The following PTPRG variants were observed in gnomAD, a reference collection of about 807,000 sequenced individuals.
PTPRG encodes protein tyrosine phosphatase receptor type G.
PTPRG carries 102 observed loss-of-function variants against 165.3 expected under a neutral mutation model. The ratio of observed to expected loss-of-function variants is 0.62; its 90% CI spans 0.53 to 0.73. The LOEUF (loss-of-function observed/expected upper bound fraction) is 0.73. Ranked by LOEUF, PTPRG falls within the 30% of genes least tolerant of loss-of-function variation. The pLI is 0.00. For synonymous variants in PTPRG, 675 were observed against 669.5 expected (o/e 1.01, Z -0.13); for missense variants, 1,866 against 1,861.4 (o/e 1.00, Z -0.05).
chr3:61,995,745 T>TCCCTCCCTCCCTCCCTCCCTCCC (rs1575864529), intron 3 of PTPRG, among the ~76,000 whole-genome samples: 1 of 109,730 alleles, frequency 9.1e-6, no homozygotes, highest in African/African-American at 3.4e-5. Flanking sequence ...CCTTCCTTCC[T>TCCCTCCCTCCCTCCCTCCCTCCC]TCCCTCCCTC....
chr3:62,014,198 T>C (rs535299828), intron 4 of PTPRG, among the ~76,000 whole-genome samples: 1 of 152,294 alleles, frequency 6.6e-6, no homozygotes, highest in Admixed American at 6.5e-5. Flanking sequence ...CTCTCTTCCC[T>C]TTAAATCCCT....
At chr3:62,282,327 G>A (rs1033106755) in intron 27 of PTPRG, among the ~76,000 whole-genome samples, 3 of 151,564 alleles carry the variant, frequency 2.0e-5, no homozygotes, top group Admixed American at 6.6e-5. Flanking sequence ...GGGCTCAAGC[G>A]ATCCTTTCAC....
chr3:61,960,317 G>A (rs758205819), intron 2 of PTPRG, among the ~76,000 whole-genome samples: 35 of 151,532 alleles, frequency 2.3e-4, no homozygotes, highest in Non-Finnish European at 4.9e-4. Context: ...GTGGTGGCAT[G>A]GCCTCTTCTT....
intron 2 of PTPRG, among the ~76,000 whole-genome samples, chr3:61,887,159 TATATATATA>T (rs2038070725): frequency 3.3e-5 from 3 of 91,010 alleles, no homozygotes; most frequent in East Asian, 5.8e-4. Flanking sequence ...TATATATATA[TATATATATA>T]TATTTTTAAT....
intron 10 of PTPRG, among the ~76,000 whole-genome samples, chr3:62,199,320 A>G (rs1386085128): frequency 2.0e-5 from 3 of 152,122 alleles, no homozygotes; most frequent in Non-Finnish European, 4.4e-5. Context: ...CAAAATGGAT[A>G]TATCATCAGG....
chr3:62,090,006 A>C (rs567911933), intron 5 of PTPRG, among the ~76,000 whole-genome samples: 2 of 152,328 alleles, frequency 1.3e-5, no homozygotes, highest in South Asian at 4.1e-4. Flanking sequence ...ATGTGGGTAT[A>C]TTCATTTAAT....
At chr3:62,042,218 G>T (rs953408051) in intron 4 of PTPRG, among the ~76,000 whole-genome samples, 10 of 152,136 alleles carry the variant, frequency 6.6e-5, no homozygotes, top group Non-Finnish European at 1.5e-5. Flanking sequence ...TATGGAGTCA[G>T]AGATGTGAAC....
intron 2 of PTPRG, among the ~76,000 whole-genome samples, chr3:61,888,489 C>T (rs1044255908): frequency 4.6e-5 from 7 of 152,088 alleles, no homozygotes; most frequent in African/African-American, 1.4e-4. Flanking sequence ...TGCCACTATG[C>T]GCGGCTAATT....
In PTPRG at chr3:62,203,361, C is replaced by T. The variant is rs139400616; in HGVS notation, c.1566C>T (p.Gly522=). 32 of 1,613,112 alleles carry T rather than the reference C, an allele frequency of 2.0e-5. No homozygotes were observed. The African/African-American group carries it at 3.9e-4, about 19-fold the overall frequency. The change falls in exon 12 of 30, where the codon GGC becomes GGT. Residue 522 remains glycine (G), a synonymous_variant. Coordinates refer to ENST00000474889, the MANE Select transcript of PTPRG (RefSeq NM_002841.4). The surrounding 1 kb of genome is among the most constrained non-coding windows in gnomAD (Gnocchi z 6.4). ...TSTLLAGLGF[G]GGGISSFPST... ...CGCTGCTCGCCGGCCTGGGGTTCGG[C>T]GGTGGTGGCATCTCCTCTTTCCCCA... is the stretch of plus-strand genomic sequence containing the variant.
At chr3:61,785,748 A>G (rs1260524458) in intron 2 of PTPRG, among the ~76,000 whole-genome samples, 1 of 152,256 alleles carries the variant, frequency 6.6e-6, no homozygotes, top group African/African-American at 2.4e-5. Flanking sequence ...ATACAGATAC[A>G]CATTGACAAC....
chr3:62,104,883 A>T (rs1180050267), intron 5 of PTPRG, among the ~76,000 whole-genome samples: 1 of 152,180 alleles, frequency 6.6e-6, no homozygotes, highest in Non-Finnish European at 1.5e-5. Context: ...TTGTTCTAGA[A>T]CTATTGCATT....
intron 5 of PTPRG, among the ~76,000 whole-genome samples, chr3:62,111,902 A>G (rs1260193410): frequency 2.6e-5 from 4 of 152,196 alleles, no homozygotes; most frequent in Admixed American, 1.3e-4. Context: ...ACGTGTATGT[A>G]TGTATGAATC....
intron 4 of PTPRG, among the ~76,000 whole-genome samples, chr3:62,024,431 T>G (rs557426453): frequency 6.6e-6 from 1 of 152,210 alleles, no homozygotes; most frequent in South Asian, 2.1e-4. Context: ...GAGCATACAC[T>G]TTTTAATGCC....
intron 2 of PTPRG, among the ~76,000 whole-genome samples, chr3:61,847,756 A>G (rs769983098): frequency 6.6e-6 from 1 of 152,240 alleles, no homozygotes; most frequent in African/African-American, 2.4e-5. Flanking sequence ...TGAAAAAAAA[A>G]ATCTCTGCCT....
At chr3:61,563,871 G>A (rs537755572) in intron 1 of PTPRG, among the ~76,000 whole-genome samples, 21 of 152,308 alleles carry the variant, frequency 1.4e-4, no homozygotes, top group Non-Finnish European at 2.5e-4. Context: ...GGCCTCGAGG[G>A]GCAGAAAGGG....
intron 2 of PTPRG, among the ~76,000 whole-genome samples, chr3:61,944,560 C>T (rs1559704637): frequency 6.6e-6 from 1 of 152,170 alleles, no homozygotes; most frequent in African/African-American, 2.4e-5. Flanking sequence ...GTCTGAAATT[C>T]CCCTTTTCAC....
intron 2 of PTPRG, among the ~76,000 whole-genome samples, chr3:61,773,942 T>A (rs1253290642): frequency 6.6e-6 from 1 of 151,880 alleles, no homozygotes; most frequent in Non-Finnish European, 1.5e-5. Context: ...GCGTGGCTAA[T>A]TTTTGTGTTT....
chr3:61,970,499 CAA>C (rs2040359179), intron 2 of PTPRG, among the ~76,000 whole-genome samples: 1 of 152,112 alleles, frequency 6.6e-6, no homozygotes, highest in African/African-American at 2.4e-5. Flanking sequence ...TAATACTTGA[CAA>C]ATATTCAATA....
chr3:61,834,790 G>GC (rs1211744638), intron 2 of PTPRG, among the ~76,000 whole-genome samples: 1 of 151,312 alleles, frequency 6.6e-6, no homozygotes, highest in Non-Finnish European at 1.5e-5. Flanking sequence ...TCCAGCCTGG[G>GC]CTGGAGTGAG....
Sources: gnomAD v4.1 joint callset for allele counts (sites outside exome capture counted in the v4.1 genomes callset) on GRCh38, gnomAD v4.1.1 for gene constraint, Gnocchi (gnomAD v3.1) non-coding constraint, MANE v1.5 for transcripts, NCBI Gene and HGNC (gene_info 2026-07-23, HGNC 2026-07-21) for gene names.